CCDC82: variants seen among roughly 807,000 people sequenced by gnomAD.
CCDC82 encodes coiled-coil domain-containing protein 82.
Under a neutral mutation model 60.6 loss-of-function variants are expected in CCDC82, and 47 were observed. The observed-to-expected ratio is 0.77, with a 90% CI of 0.61 to 0.99. The LOEUF (loss-of-function observed/expected upper bound fraction) is 0.99, where lower values mean the gene tolerates loss of function less well. CCDC82 is among the 50% of genes least tolerant of loss of function. CCDC82 has a pLI of 0.00. For missense variants in CCDC82, 588 were observed against 633.0 expected, an observed-to-expected ratio of 0.93 and a Z score of 0.76; for synonymous variants, 212 against 207.4, an observed-to-expected ratio of 1.02 and a Z score of -0.19.
At chr11:96,372,810 C>T (rs1181791196) in intron 6 of CCDC82, among the ~76,000 whole-genome samples, 11 of 149,262 alleles carry the variant, frequency 7.4e-5, no homozygotes, top group African/African-American at 2.7e-4. Flanking sequence ...AGCAAAAATA[C>T]ATTTTCAATA....
intron 9 of CCDC82, chr11:96,358,588 T>C (rs1319669378): frequency 8.1e-7 from 1 of 1,234,910 alleles, no homozygotes; most frequent in Non-Finnish European, 1.0e-6. Context: ...TGGCACCAGG[T>C]GCTTCTTCAC....
intron 7 of CCDC82, among the ~76,000 whole-genome samples, chr11:96,368,874 A>AC (rs1376497368): frequency 1.3e-5 from 2 of 151,634 alleles, no homozygotes; most frequent in African/African-American, 4.8e-5. Context: ...TCAAAAAAAA[A>AC]AAAAGGCATC....
chr11:96,369,396 A>G (rs1336698655), intron 7 of CCDC82, among the ~76,000 whole-genome samples: 3 of 152,194 alleles, frequency 2.0e-5, no homozygotes, highest in Admixed American at 6.5e-5. Flanking sequence ...TTCTCACTTT[A>G]GATTTAAAGT....
Position 96,365,167 on chromosome 11 carries a change from T to TA in CCDC82, c.1210-18dup, listed in dbSNP as rs747453903. On this transcript the variant is annotated splice_polypyrimidine_tract_variant and intron_variant, in intron 7 of 9. Transcript: ENST00000646818. ...TACTCGCTCCTGAAAACAAAAAATA[T>TA]AAAAAAAAGTTTAAAAGATAAAGAA... is the stretch of plus-strand genomic sequence containing the variant. 56 of 1,447,484 alleles carry TA rather than the reference T, an allele frequency of 3.9e-5. No homozygotes were observed. The highest frequency in any genetic ancestry group is 6.8e-5 in the Admixed American group (3 of 44,358). The allele number at this position is 1,447,484 out of a possible 1,614,324, so 89.7% of individuals were successfully genotyped here.
At chr11:96,375,780 C>A (rs1198561938) in intron 5 of CCDC82, among the ~76,000 whole-genome samples, 2 of 152,164 alleles carry the variant, frequency 1.3e-5, no homozygotes, top group African/African-American at 4.8e-5. Context: ...TATGTCACAA[C>A]ACAAAATTTA....
At chr11:96,372,687 TAAATATATAA>T in intron 6 of CCDC82, among the ~76,000 whole-genome samples, 1 of 144,916 alleles carries the variant, frequency 6.9e-6, no homozygotes, top group Admixed American at 7.0e-5. Flanking sequence ...TAAATATAAA[TAAATATATAA>T]AAATATATAT....
Position 96,373,451 on chromosome 11 carries a change from G to A in CCDC82, c.1008C>T (p.His336=), listed in dbSNP as rs1269733425. 1 of 1,596,680 alleles carries A rather than the reference G, an allele frequency of 6.3e-7. No individual in the cohort carries two copies. The highest frequency in any genetic ancestry group is 8.6e-7 in the Non-Finnish European group (1 of 1,168,748). Residue 336 remains histidine, a synonymous_variant, in exon 6 of 10, where the codon CAC becomes CAT. Transcript: ENST00000646818. ...TCACAACTCTTTCAAAATGAGTATAGTGGTCACTAAAAGAATCTGAAATTA... is the reference window on the plus strand; with the variant it reads ...TCACAACTCTTTCAAAATGAGTATAATGGTCACTAAAAGAATCTGAAATTA... ...KQNSLYSFSD[H]YTHFERVVKA...
In CCDC82 at chr11:96,370,997, A is replaced by G; in HGVS notation, c.1209+16T>C. On this transcript the variant is annotated intron_variant, in intron 7 of 9. Transcript: ENST00000646818. Reference sequence around the variant, plus strand: ...CCCCCAACCCCCAAGCAGAGATTCAAAAACAAACTGTGTACCTTATATTGC... The same window carrying G: ...CCCCCAACCCCCAAGCAGAGATTCAGAAACAAACTGTGTACCTTATATTGC... The G allele has an allele frequency of 6.6e-7, 1 of 1,506,130 alleles. No individual in the cohort carries two copies. The highest frequency in any genetic ancestry group is 1.4e-5 in the South Asian group (1 of 70,482). 93.3% of individuals were successfully genotyped at this position (1,506,130 alleles called of 1,614,324 possible).
intron 9 of CCDC82, chr11:96,357,448 CCTTT>C: frequency 2.0e-6 from 2 of 984,840 alleles, no homozygotes; most frequent in South Asian, 4.7e-5. Context: ...AGCCTAAGCT[CCTTT>C]CTTTTCCTAA....
chr11:96,365,001 A>T lies in CCDC82; in HGVS notation c.1359T>A (p.Asn453Lys), dbSNP rs1254198095. Residue 453 changes from asparagine (N) to lysine (K), a missense_variant, in exon 8 of 10, where the codon AAT (asparagine) becomes AAA (lysine). Coordinates refer to ENST00000646818, the MANE Select transcript of CCDC82 (RefSeq NM_024725.4). Reference protein sequence around the residue: ...LYNTRTMQIDNFMSHDKQVFT... With the variant: ...LYNTRTMQIDKFMSHDKQVFT... Reference sequence around the variant, plus strand: ...ATACCTGTTTATCATGTGACATGAAATTATCTATTTGCATGGTCCTGGTGT... The same window carrying T: ...ATACCTGTTTATCATGTGACATGAATTTATCTATTTGCATGGTCCTGGTGT... 6.2e-7 allele frequency: 1 copy of T among 1,602,112 alleles called. No individual in the cohort carries two copies.
At chr11:96,375,280 T>C (rs1565314552) in intron 5 of CCDC82, among the ~76,000 whole-genome samples, 2 of 152,194 alleles carry the variant, frequency 1.3e-5, no homozygotes, top group South Asian at 2.1e-4. Context: ...TCATTTGCTA[T>C]AGAGTCTTGA....
intron 5 of CCDC82, among the ~76,000 whole-genome samples, chr11:96,374,129 T>C (rs1213751577): frequency 1.3e-5 from 2 of 152,224 alleles, no homozygotes; most frequent in Admixed American, 1.3e-4. Context: ...CAGAGTTTAC[T>C]ATGACTGTGG....
At chr11:96,354,320 G>A (rs928992892) in intron 9 of CCDC82, 2 of 152,198 alleles carry the variant, frequency 1.3e-5, no homozygotes, top group African/African-American at 2.4e-5. Context: ...CCATCAAAGT[G>A]ACGTGACAAG....
At chr11:96,368,010 G>C (rs187183200) in intron 7 of CCDC82, among the ~76,000 whole-genome samples, 1 of 151,738 alleles carries the variant, frequency 6.6e-6, no homozygotes, top group Non-Finnish European at 1.5e-5. Flanking sequence ...TAGTAGATAC[G>C]GGGTTTCACC....
rs367780371 is a variant in CCDC82 at position 96,384,731 on chromosome 11, C to A, written c.17G>T (p.Arg6Ile). 3 of 1,596,886 alleles carry A rather than the reference C, an allele frequency of 1.9e-6. No individual in the cohort carries two copies. The highest frequency in any genetic ancestry group is 1.4e-5 in the African/African-American group (1 of 73,694). Residue 6 changes from arginine (R) to isoleucine (I), a missense_variant, in exon 4 of 10, where the codon AGA becomes ATA. By Grantham distance (97) the Arg-to-Ile change is moderately conservative. Transcript: ENST00000646818. Reference sequence around the variant, plus strand: ...CTTAGAATTTCTCCTTGTTTCATGTCTTCTAACATGTATCATTTTCACTTA... The same window carrying A: ...CTTAGAATTTCTCCTTGTTTCATGTATTCTAACATGTATCATTTTCACTTA... MIHVR[R>I]HETRRNSKSH...
chr11:96,384,086 A>T lies in CCDC82; in HGVS notation c.662T>A (p.Val221Glu). 6.2e-7 allele frequency: 1 copy of T among 1,613,662 alleles called. No individual in the cohort carries two copies. The highest frequency in any genetic ancestry group is 8.5e-7 in the Non-Finnish European group (1 of 1,179,710). Residue 221 changes from valine to glutamate, a missense_variant, in exon 4 of 10, where the codon GTG becomes GAG. By Grantham distance (121) the Val-to-Glu change is moderately radical (BLOSUM62 -2). Coordinates refer to ENST00000646818, the MANE Select transcript of CCDC82 (RefSeq NM_024725.4). ...RRVVEDEGSS[V>E]EMEQKTPEKT... ...TTCAGGAGTCTTTTGCTCCATTTCC[A>T]CTGAAGAACCTTCATCTTCAACCAC...
intron 5 of CCDC82, chr11:96,382,162 TG>T (rs1865907981): frequency 6.6e-6 from 1 of 151,788 alleles, no homozygotes; most frequent in Non-Finnish European, 1.5e-5. Context: ...CAACTGTGTG[TG>T]TGGGGGGAAA....
In CCDC82 at chr11:96,383,942, T is replaced by C. The variant is rs749502009; in HGVS notation, c.786+20A>G. 3 of 1,562,132 alleles carry C rather than the reference T, an allele frequency of 1.9e-6. No individual in the cohort carries two copies. The highest frequency in any genetic ancestry group is 2.4e-5 in the South Asian group (2 of 82,214). ...AAAAAAACTGAAAAACAATAACAAATCCAACAAAATATAACACACCTCAAA... is the reference window on the plus strand; with the variant it reads ...AAAAAAACTGAAAAACAATAACAAACCCAACAAAATATAACACACCTCAAA... On this transcript the variant is annotated intron_variant, in intron 4 of 9. Coordinates refer to ENST00000646818, the MANE Select transcript of CCDC82 (RefSeq NM_024725.4).
rs138694714 is a variant in CCDC82, at chr11:96,359,801, T to C, written c.1381-623A>G. ...TAAGTATTGGCAGTTTTTTACTAGA[T>C]ACTTTTCTTTTCCCCCCCCAAAAAA... On this transcript the variant is annotated intron_variant, in intron 8 of 9. Transcript: ENST00000646818. Among the ~76,000 whole-genome samples the C allele has an allele frequency of 4.8e-3, 725 of 151,902 alleles. 8 individuals are homozygous for C. The highest frequency in any genetic ancestry group is 0.016 in the African/African-American group (671 of 41,482).
Sources: allele counts gnomAD v4.1 joint callset (sites outside exome capture counted in the v4.1 genomes callset), GRCh38; gene constraint gnomAD v4.1.1; transcripts MANE v1.5; gene names NCBI Gene and HGNC (gene_info 2026-07-23, HGNC 2026-07-21).